The following FGF14 variants were observed in gnomAD, a reference collection of about 807,000 sequenced individuals.
FGF14 encodes the protein fibroblast growth factor homologous factor 4.
FGF14 carries 5 observed loss-of-function variants against 25.5 expected under a neutral mutation model. The ratio of observed to expected loss-of-function variants is 0.20; its 90% CI spans 0.10 to 0.41. FGF14 has a LOEUF of 0.41. Among genes scored for constraint, FGF14 ranks in the 10% least tolerant of loss-of-function variants. FGF14 has a pLI of 1.00. For synonymous variants in FGF14, 138 were observed against 118.3 expected (o/e 1.17, Z -1.08); for missense variants, 222 against 320.1 (o/e 0.69, Z 2.34).
chr13:102,015,206 C>T (rs1427559256), intron 1 of FGF14, among the ~76,000 whole-genome samples: 1 of 152,132 alleles, frequency 6.6e-6, no homozygotes, highest in African/African-American at 2.4e-5. Flanking sequence ...CCGTGCTCAG[C>T]CTGCTAAAAT....
intron 1 of FGF14, among the ~76,000 whole-genome samples, chr13:102,041,479 A>G (rs1351436370): frequency 1.3e-5 from 2 of 152,006 alleles, no homozygotes; most frequent in African/African-American, 4.8e-5. Context: ...TAAAATTATC[A>G]ACAAAAATAG....
intron 1 of FGF14, among the ~76,000 whole-genome samples, chr13:102,340,521 C>G (rs2138898409): frequency 6.6e-6 from 1 of 152,030 alleles, no homozygotes; most frequent in Admixed American, 6.6e-5. Context: ...AGCCTTTTAC[C>G]CTAAAACCTT....
At chr13:102,204,739 G>T (rs997466278) in intron 1 of FGF14, among the ~76,000 whole-genome samples, 1 of 151,928 alleles carries the variant, frequency 6.6e-6, no homozygotes, top group East Asian at 1.9e-4. Context: ...TAGAGATGGG[G>T]TTTCACCATG....
intron 3 of FGF14, among the ~76,000 whole-genome samples, chr13:101,781,273 C>A (rs1025651706): frequency 1.3e-5 from 2 of 152,174 alleles, no homozygotes; most frequent in Non-Finnish European, 2.9e-5. Flanking sequence ...TTTATCACTG[C>A]CTGAATTTCT....
At chr13:101,916,428 T>C in intron 1 of FGF14, 25 bp downstream of exon 1, 1 of 1,613,508 alleles carries the variant, frequency 6.2e-7, no homozygotes, top group Non-Finnish European at 8.5e-7. Context: ...CCGGGGCGCA[T>C]CTCCCGACCA....
At chr13:101,913,975 G>A (rs1016747739) in intron 1 of FGF14, among the ~76,000 whole-genome samples, 1 of 152,074 alleles carries the variant, frequency 6.6e-6, no homozygotes, top group Non-Finnish European at 1.5e-5. Flanking sequence ...ACTGCTGTAT[G>A]TATATATAAT....
intron 1 of FGF14, among the ~76,000 whole-genome samples, chr13:102,116,264 G>C (rs1032323782): frequency 1.3e-5 from 2 of 152,134 alleles, no homozygotes; most frequent in Non-Finnish European, 2.9e-5. Flanking sequence ...GTAGGAATGT[G>C]AAGTGATGTA....
chr13:102,162,307 G>GA (rs1244655503), intron 1 of FGF14, among the ~76,000 whole-genome samples: 1 of 152,160 alleles, frequency 6.6e-6, no homozygotes, highest in Non-Finnish European at 1.5e-5. Context: ...TACATTTACT[G>GA]AAAAGCAATT....
intron 1 of FGF14, among the ~76,000 whole-genome samples, chr13:102,244,554 C>A (rs1001385582): frequency 5.9e-5 from 9 of 151,614 alleles, no homozygotes; most frequent in Non-Finnish European, 1.2e-4. Context: ...GCCGAGTGTA[C>A]AATTGTCATG....
At chr13:102,380,563 G>C (rs964161463) in intron 1 of FGF14, among the ~76,000 whole-genome samples, 2 of 152,086 alleles carry the variant, frequency 1.3e-5, no homozygotes, top group African/African-American at 2.4e-5. Flanking sequence ...ACTCAATCGG[G>C]TATTTTCCTA....
intron 1 of FGF14, among the ~76,000 whole-genome samples, chr13:101,955,253 A>C (rs2036441146): frequency 6.6e-6 from 1 of 152,212 alleles, no homozygotes; most frequent in South Asian, 2.1e-4. Context: ...AGTTTTCAGG[A>C]ATCTCTTTGA....
At chr13:101,762,789 T>A (rs1040373362) in intron 3 of FGF14, among the ~76,000 whole-genome samples, 1 of 152,212 alleles carries the variant, frequency 6.6e-6, no homozygotes, top group African/African-American at 2.4e-5. Context: ...CTGTATGGAA[T>A]TAGCAATTGT....
chr13:102,004,447 G>C (rs1487955631), intron 1 of FGF14, among the ~76,000 whole-genome samples: 4 of 152,156 alleles, frequency 2.6e-5, no homozygotes, highest in African/African-American at 9.7e-5. Context: ...TGAAACCAGA[G>C]ACACTTCAGC....
intron 1 of FGF14, among the ~76,000 whole-genome samples, chr13:102,297,838 T>C (rs896863193): frequency 1.1e-4 from 17 of 152,062 alleles, no homozygotes; most frequent in African/African-American, 4.1e-4. Flanking sequence ...CATTAATGAC[T>C]GCATTATTAA....
chr13:101,739,106 T>TATAC (rs894042524), intron 3 of FGF14, among the ~76,000 whole-genome samples: 5 of 62,320 alleles, frequency 8.0e-5, no homozygotes, highest in Admixed American at 2.2e-4. Flanking sequence ...TATATATATA[T>TATAC]ACATGTATAT....
At chr13:102,089,731 C>T (rs1199835485) in intron 1 of FGF14, among the ~76,000 whole-genome samples, 1 of 152,142 alleles carries the variant, frequency 6.6e-6, no homozygotes, top group Non-Finnish European at 1.5e-5. Flanking sequence ...TCAAAACTTA[C>T]AAGACATAGA....
intron 3 of FGF14, among the ~76,000 whole-genome samples, chr13:101,849,811 G>A (rs565609984): frequency 4.4e-4 from 67 of 152,130 alleles, no homozygotes; most frequent in African/African-American, 1.5e-3. Context: ...TGGGAGTCAT[G>A]AGCACCAGGT....
intron 1 of FGF14, among the ~76,000 whole-genome samples, chr13:102,254,600 G>A (rs116093482): frequency 1.4e-3 from 218 of 152,280 alleles, no homozygotes; most frequent in African/African-American, 5.0e-3. Flanking sequence ...GGTCCTCGTC[G>A]TTGGTACAGA....
intron 3 of FGF14, among the ~76,000 whole-genome samples, chr13:101,776,253 C>T (rs773510883): frequency 6.6e-6 from 1 of 152,032 alleles, no homozygotes; most frequent in South Asian, 2.1e-4. Flanking sequence ...TCAGCCAGAA[C>T]GTGAAGCTAT....
Sources: allele counts gnomAD v4.1 joint callset (sites outside exome capture counted in the v4.1 genomes callset), GRCh38; gene constraint gnomAD v4.1.1; transcripts MANE v1.5; gene names NCBI Gene and HGNC (gene_info 2026-07-23, HGNC 2026-07-21).